PRDM16: variants seen among roughly 807,000 people sequenced by gnomAD.
The protein encoded by PRDM16 is PR/SET domain 16.
PRDM16 carries 23 observed loss-of-function variants against 110.6 expected under a neutral mutation model. The ratio of observed to expected loss-of-function variants is 0.21; its 90% CI spans 0.15 to 0.29. The LOEUF (loss-of-function observed/expected upper bound fraction) is 0.29, where lower values mean the gene tolerates loss of function less well. PRDM16 is among the 10% of genes least tolerant of loss of function. The probability of loss-of-function intolerance (pLI) is 1.00; values close to 1 mark genes in which losing one functional copy is unlikely to be tolerated. For synonymous variants in PRDM16, 799 were observed against 781.8 expected (o/e 1.02, Z -0.37); for missense variants, 1,615 against 1,794.3 (o/e 0.90, Z 1.81).
At chr1:3,433,576 G>A (rs1437421474) in intron 16 of PRDM16, 101 bp from the exon 17 acceptor site, 5 of 455,870 alleles carry the variant, frequency 1.1e-5, no homozygotes, top group Non-Finnish European at 1.5e-5. Flanking sequence ...TGTCTGGGAT[G>A]GCCCGCCCTG....
chr1:3,132,331 C>T (rs1329634349), intron 1 of PRDM16, among the ~76,000 whole-genome samples: 2 of 152,170 alleles, frequency 1.3e-5, no homozygotes, highest in South Asian at 4.1e-4. Context: ...AGCAGAGGAG[C>T]GGAGCCTGCT....
chr1:3,186,607 C>G, intron 2 of PRDM16, 133 bp downstream of exon 2: 1 of 613,170 alleles, frequency 1.6e-6, no homozygotes, highest in South Asian at 2.2e-5. Context: ...TGTCACATTT[C>G]CCAGCCTATT....
At position 3,402,977 on chromosome 1, in the gene PRDM16, G is replaced by C. The variant is rs141374404; in HGVS notation, c.863G>C (p.Arg288Pro). 6.2e-6 allele frequency: 10 copies of C among 1,609,472 alleles called. No homozygotes were observed. Among genetic ancestry groups the C allele is most frequent in the Non-Finnish European group, 8.5e-6 (10 of 1,178,854 alleles). Residue 288 changes from arginine to proline, a missense_variant, in exon 6 of 17, where the codon CGG (arginine) becomes CCG (proline). Arg to Pro is a moderately radical substitution (Grantham distance 103). Transcript: ENST00000270722. Reference sequence around the variant, plus strand: ...GCCCACGAGTGCAAGGACTGCGAGCGGATGTTCCCCAACAAGTACAGGTGC... The same window carrying C: ...GCCCACGAGTGCAAGGACTGCGAGCCGATGTTCCCCAACAAGTACAGGTGC... Reference protein sequence around the residue: ...GQAHECKDCERMFPNKYSLEQ... With the variant: ...GQAHECKDCEPMFPNKYSLEQ...
At chr1:3,133,907 G>A (rs895765886) in intron 1 of PRDM16, among the ~76,000 whole-genome samples, 5 of 152,334 alleles carry the variant, frequency 3.3e-5, no homozygotes, top group Middle Eastern at 3.4e-3. Flanking sequence ...GTTGGACCTC[G>A]CCTTGCTCAA....
chr1:3,096,822 G>A (rs1254212500), intron 1 of PRDM16, among the ~76,000 whole-genome samples: 2 of 152,218 alleles, frequency 1.3e-5, no homozygotes, highest in Non-Finnish European at 2.9e-5. Flanking sequence ...GTCTTTCCTT[G>A]TGCCAAGGAC....
chr1:3,164,551 C>T (rs757162699), intron 1 of PRDM16, among the ~76,000 whole-genome samples: 24 of 152,194 alleles, frequency 1.6e-4, no homozygotes, highest in Non-Finnish European at 2.4e-4. Context: ...ATAAGCAATC[C>T]GAAGGCATTG....
intron 10 of PRDM16, among the ~76,000 whole-genome samples, chr1:3,416,810 TC>T (rs1638276955): frequency 6.6e-6 from 1 of 152,204 alleles, no homozygotes; most frequent in South Asian, 2.1e-4. Context: ...CGGGGTTTGT[TC>T]CCTGTTTTGC....
intron 7 of PRDM16, 85 bp from the exon 8 acceptor site, chr1:3,405,410 C>A: frequency 2.1e-6 from 3 of 1,429,972 alleles, no homozygotes; most frequent in Non-Finnish European, 2.8e-6. Context: ...GGCCCTGCCC[C>A]CCACAGCCGG....
At chr1:3,181,211 TAC>T (rs1208849907) in intron 1 of PRDM16, among the ~76,000 whole-genome samples, 1 of 128,896 alleles carries the variant, frequency 7.8e-6, no homozygotes, top group Non-Finnish European at 1.6e-5. Context: ...CACACGGTCT[TAC>T]ACACGCAGTC....
intron 1 of PRDM16, among the ~76,000 whole-genome samples, chr1:3,165,663 TCAGGGACAGTGACTCACCTGGGCC>T (rs1643945907): frequency 1.2e-5 from 1 of 83,146 alleles, no homozygotes; most frequent in Non-Finnish European, 2.2e-5. Context: ...TCACCTGGGC[TCAGGGACAGTGACTCACCTGGGCC>T]CAGGGACAGG....
At chr1:3,424,061 C>T (rs1024818381) in intron 12 of PRDM16, among the ~76,000 whole-genome samples, 2 of 152,206 alleles carry the variant, frequency 1.3e-5, no homozygotes, top group African/African-American at 4.8e-5. Context: ...TTCCCTTCAC[C>T]GTCGCCCAGC....
intron 3 of PRDM16, among the ~76,000 whole-genome samples, chr1:3,321,585 TCAC>T (rs2100456214): frequency 6.7e-6 from 1 of 148,782 alleles, no homozygotes; most frequent in African/African-American, 2.5e-5. Context: ...TGTTTGGAGG[TCAC>T]GTTTCTGGGG....
Position 3,353,948 on chromosome 1 carries a change from G to A in PRDM16, c.439-31204G>A, listed in dbSNP as rs1642543584. ...GATGCAGGGCTGCCCACCCAACACT[G>A]CTGAGCCCACACAGGCCCAAGAGAA... On this transcript the variant is annotated intron_variant, in intron 3 of 16. Coordinates refer to ENST00000270722, the MANE Select transcript of PRDM16 (RefSeq NM_022114.4). This position sits in a 1 kb window ranked among gnomAD's most constrained non-coding sequence, Gnocchi z 5.4. 6.6e-6 allele frequency among the ~76,000 whole-genome samples: 1 copy of A among 152,144 alleles called. No individual in the cohort carries two copies. Among genetic ancestry groups the A allele is most frequent in the South Asian group, 2.1e-4 (1 of 4,830 alleles).
At chr1:3,356,098 C>T (rs564242582) in intron 3 of PRDM16, among the ~76,000 whole-genome samples, 14 of 152,334 alleles carry the variant, frequency 9.2e-5, no homozygotes, top group Admixed American at 4.6e-4. Context: ...CTTCTGGAAA[C>T]GGTGCCATTG....
At chr1:3,101,931 T>C (rs1294450776) in intron 1 of PRDM16, among the ~76,000 whole-genome samples, 1 of 152,122 alleles carries the variant, frequency 6.6e-6, no homozygotes, top group Admixed American at 6.5e-5. Flanking sequence ...GTCTTTGCTG[T>C]CTGGGGGCCA....
At chr1:3,167,139 C>A (rs575837298) in intron 1 of PRDM16, among the ~76,000 whole-genome samples, 1 of 152,102 alleles carries the variant, frequency 6.6e-6, no homozygotes, top group Admixed American at 6.5e-5. Flanking sequence ...CTACTACCAC[C>A]GGGGAGCCTG....
intron 3 of PRDM16, among the ~76,000 whole-genome samples, chr1:3,322,520 A>G (rs551941453): frequency 6.9e-6 from 1 of 144,880 alleles, no homozygotes; most frequent in African/African-American, 2.6e-5. Context: ...CAGGACCCCC[A>G]CCCACCCCCA....
intron 3 of PRDM16, among the ~76,000 whole-genome samples, chr1:3,384,585 C>T (rs1165116728): frequency 2.0e-5 from 3 of 152,220 alleles, no homozygotes; most frequent in African/African-American, 7.2e-5. Context: ...ACTTTGCGGG[C>T]GTGGTGAGAA....
At position 3,434,465 on chromosome 1, in the gene PRDM16, C is replaced by G. The variant is rs1638855428; in HGVS notation, c.*654C>G. The G allele has an allele frequency of 4.3e-6, 1 of 231,542 alleles. No individual in the cohort carries two copies. The allele number at this position is 231,542 out of a possible 1,614,324, so 14.3% of individuals were successfully genotyped here. ...ATACTGTAGATAATGGAGAAATTTT[C>G]TATCTCTGTCCCTATTTGTATAAGC... On this transcript the variant is annotated 3_prime_UTR_variant, in exon 17 of 17. Coordinates refer to ENST00000270722, the MANE Select transcript of PRDM16 (RefSeq NM_022114.4).
Sources: gnomAD v4.1 joint callset for allele counts (sites outside exome capture counted in the v4.1 genomes callset) on GRCh38, gnomAD v4.1.1 for gene constraint, Gnocchi (gnomAD v3.1) non-coding constraint, MANE v1.5 for transcripts, NCBI Gene and HGNC (gene_info 2026-07-23, HGNC 2026-07-21) for gene names.